LRRC37A2: variants seen among roughly 807,000 people sequenced by gnomAD.
LRRC37A2 encodes the protein leucine-rich repeat-containing protein 37A2.
A neutral mutation model predicts 68.8 loss-of-function variants in LRRC37A2; 9 were observed. The observed-to-expected ratio is 0.13, with a 90% CI of 0.08 to 0.23. The LOEUF (loss-of-function observed/expected upper bound fraction) is 0.23, where lower values mean the gene tolerates loss of function less well. Among genes scored for constraint, LRRC37A2 ranks in the 10% least tolerant of loss-of-function variants. LRRC37A2 has a pLI of 1.00. For missense variants in LRRC37A2, 168 were observed against 950.4 expected (o/e 0.18, Z 10.82); for synonymous variants, 63 against 367.6 (o/e 0.17, Z 9.48).
chr17:46,936,691 C>G, the LRRC37A2 span: 6 of 984,852 alleles, frequency 6.1e-6, no homozygotes, highest in Non-Finnish European at 7.2e-6. Context: ...GAAGGTTGAT[C>G]CTTAGCCTCA....
At chr17:46,906,459 A>G in the LRRC37A2 span, among the ~76,000 whole-genome samples, 3,133 of 152,232 alleles carry the variant, frequency 0.021, 108 homozygotes, top group African/African-American at 0.072. Context: ...TTGCTCTATC[A>G]CCCAGGCTGG....
the LRRC37A2 span, among the ~76,000 whole-genome samples, chr17:46,789,257 A>G: frequency 1.1e-3 from 169 of 152,190 alleles, 1 homozygote; most frequent in South Asian, 0.011. Context: ...GCTGGCACCT[A>G]CCTGGACTGT....
chr17:46,932,212 C>G, the LRRC37A2 span: 8 of 1,613,708 alleles, frequency 5.0e-6, no homozygotes, highest in Non-Finnish European at 8.5e-7. Flanking sequence ...AAGCCAGGCC[C>G]GTGGTGAGGG....
At chr17:46,859,252 A>AGGCGT in the LRRC37A2 span, among the ~76,000 whole-genome samples, 1 of 152,216 alleles carries the variant, frequency 6.6e-6, no homozygotes, top group South Asian at 2.1e-4. Context: ...CTGGCATTAC[A>AGGCGT]GGCGTGAGCC....
chr17:46,728,910 T>G, the LRRC37A2 span: 1 of 1,607,700 alleles, frequency 6.2e-7, no homozygotes, highest in Non-Finnish European at 8.5e-7. Flanking sequence ...CTCTTCTCGT[T>G]TTACTGAAAA....
At chr17:46,490,065 G>T in the LRRC37A2 span, among the ~76,000 whole-genome samples, 5 of 150,816 alleles carry the variant, frequency 3.3e-5, no homozygotes, top group Non-Finnish European at 7.3e-5. Flanking sequence ...AGTCATTCTT[G>T]TGTGGACCTC....
the LRRC37A2 span, among the ~76,000 whole-genome samples, chr17:47,021,184 A>AT: frequency 3.3e-5 from 5 of 152,182 alleles, no homozygotes; most frequent in Non-Finnish European, 5.9e-5. Context: ...CAAGCAAGAG[A>AT]TTACATGATC....
At chr17:46,859,183 G>C in the LRRC37A2 span, among the ~76,000 whole-genome samples, 3,729 of 150,748 alleles carry the variant, frequency 0.025, 153 homozygotes, top group African/African-American at 0.086. Context: ...ACCATGTTGG[G>C]CAGGCTGGTC....
chr17:46,558,691 A>G (rs1385461251), downstream of LRRC37A2: 1 of 134,356 alleles, frequency 7.4e-6, no homozygotes, highest in Admixed American at 7.4e-5. Context: ...GTGCCCCGCC[A>G]GGAAATTCAG....
chr17:46,817,014 GC>G, the LRRC37A2 span, among the ~76,000 whole-genome samples: 2 of 152,284 alleles, frequency 1.3e-5, no homozygotes, highest in East Asian at 3.9e-4. Flanking sequence ...GGTTAGCCCA[GC>G]CCCCCGGAAA....
chr17:46,823,564 C>T, the LRRC37A2 span, among the ~76,000 whole-genome samples: 5 of 152,032 alleles, frequency 3.3e-5, no homozygotes, highest in Non-Finnish European at 7.4e-5. Context: ...CTCCGCCGCT[C>T]AAGTAGCTGG....
At chr17:46,755,926 T>C in the LRRC37A2 span, 7 of 1,120,334 alleles carry the variant, frequency 6.2e-6, no homozygotes, top group Admixed American at 1.5e-4. Context: ...AAGTGGAACG[T>C]TCTCTACCTT....
the LRRC37A2 span, among the ~76,000 whole-genome samples, chr17:46,832,237 A>C: frequency 1.3e-5 from 2 of 152,152 alleles, no homozygotes; most frequent in African/African-American, 4.8e-5. Context: ...GTTCCAGAAC[A>C]CAAAGCCTCC....
the LRRC37A2 span, chr17:46,851,533 G>T: frequency 1.9e-6 from 1 of 534,662 alleles, no homozygotes; most frequent in Non-Finnish European, 2.8e-6. This position sits in a 1 kb window ranked among gnomAD's most constrained non-coding sequence, Gnocchi z 4.3. Flanking sequence ...TCCCAGCGCC[G>T]CCTGCCCCGC....
chr17:46,931,148 A>G, the LRRC37A2 span: 16 of 1,611,700 alleles, frequency 9.9e-6, no homozygotes, highest in Admixed American at 1.7e-5. Context: ...TCAGCCGTCT[A>G]GAACGTCTGG....
At chr17:47,020,776 C>T in the LRRC37A2 span, among the ~76,000 whole-genome samples, 1 of 6,612 alleles carries the variant, frequency 1.5e-4, no homozygotes, top group Non-Finnish European at 3.4e-4. Flanking sequence ...AGCAAGACTC[C>T]ATCTCAAAAA....
chr17:46,768,209 T>C, the LRRC37A2 span: 1 of 1,532,572 alleles, frequency 6.5e-7, no homozygotes, highest in Non-Finnish European at 8.8e-7. The surrounding 1 kb of genome is among the most constrained non-coding windows in gnomAD (Gnocchi z 5.0). Context: ...GTGTCTTGGA[T>C]AGCTTAGAAA....
the LRRC37A2 span, among the ~76,000 whole-genome samples, chr17:47,048,289 T>A: frequency 6.6e-6 from 1 of 151,714 alleles, no homozygotes; most frequent in African/African-American, 2.4e-5. Flanking sequence ...CTTTTAATTC[T>A]GGAAAAGAAA....
At chr17:47,002,908 C>T in the LRRC37A2 span, among the ~76,000 whole-genome samples, 2 of 151,920 alleles carry the variant, frequency 1.3e-5, no homozygotes, top group Admixed American at 6.6e-5. Context: ...CAATATAATG[C>T]CCTAACTAGA....
Sources: allele counts gnomAD v4.1 joint callset (sites outside exome capture counted in the v4.1 genomes callset), GRCh38; gene constraint gnomAD v4.1.1; non-coding constraint Gnocchi (gnomAD v3.1); transcripts MANE v1.5; gene names NCBI Gene and HGNC (gene_info 2026-07-23, HGNC 2026-07-21).